Variants in RYR2 observed in about 807,000 individuals in gnomAD.
RYR2 encodes ryanodine receptor 2, also known as cardiac muscle ryanodine receptor-calcium release channel.
A neutral mutation model predicts 601.1 loss-of-function variants in RYR2; 227 were observed. The ratio of observed to expected loss-of-function variants is 0.38; its 90% CI spans 0.34 to 0.42. RYR2 has a LOEUF of 0.42. RYR2 is among the 10% of genes least tolerant of loss of function. The probability of loss-of-function intolerance (pLI) is 1.00; values close to 1 mark genes in which losing one functional copy is unlikely to be tolerated. For synonymous variants in RYR2, 2,223 were observed against 2,175.1 expected, an observed-to-expected ratio of 1.02 and a Z score of -0.61; for missense variants, 4,646 against 6,156.5, an observed-to-expected ratio of 0.75 and a Z score of 8.21.
chr1:237,557,660 A>C (rs1303465662), intron 27 of RYR2, among the ~76,000 whole-genome samples: 2 of 152,130 alleles, frequency 1.3e-5, no homozygotes, highest in South Asian at 2.1e-4. Flanking sequence ...GTTTGGTGAC[A>C]AAAAAGAAGT....
In RYR2 at chr1:237,167,631, T is replaced by C. The variant is rs186087103; in HGVS notation, c.49-102866T>C. Among the ~76,000 whole-genome samples, 198 of 152,246 alleles carry C rather than the reference T, an allele frequency of 1.3e-3. 1 individual carries two copies. The highest frequency in any genetic ancestry group is 4.2e-3 in the African/African-American group (173 of 41,548). On this transcript the variant is annotated intron_variant, in intron 1 of 104. Coordinates refer to ENST00000366574, the MANE Select transcript of RYR2 (RefSeq NM_001035.3). The stretch of plus-strand genomic sequence containing the variant: ...TAAAAAATTTTTTTGGAAGTTGATA[T>C]TTCAAAATATGTAGTATGTGAAATT...
At position 237,708,892 on chromosome 1, in the gene RYR2, T is replaced by G; in HGVS notation, c.9936T>G (p.Pro3312=). 1 of 1,611,444 alleles carries G rather than the reference T, an allele frequency of 6.2e-7. No homozygotes were observed. The highest frequency in any genetic ancestry group is 8.5e-7 in the Non-Finnish European group (1 of 1,178,040). Residue 3312 remains proline, a synonymous_variant, in exon 69 of 105, where the codon CCT becomes CCG. Transcript: ENST00000366574. The part of the protein sequence containing the change: ...FSQPIINKVK[P]QLLKTHFLPL... ...AGCCTATAATAAATAAAGTGAAACC[T>G]CAGCTCTTGAAAACTCATTTCTTGC...
intron 1 of RYR2, among the ~76,000 whole-genome samples, chr1:237,240,139 T>C (rs950189623): frequency 6.6e-6 from 1 of 152,212 alleles, no homozygotes; most frequent in African/African-American, 2.4e-5. Flanking sequence ...TTCCAGGTAT[T>C]TTCAGAAGTT....
At chr1:237,687,366 C>CTTTTTTTTTTTTTT (rs10679267) in intron 62 of RYR2, 89 bp from the exon 63 acceptor site, 82 of 259,078 alleles carry the variant, frequency 3.2e-4, no homozygotes, top group Middle Eastern at 7.1e-4. Context: ...TTTTCTTCTT[C>CTTTTTTTTTTTTTT]TTTTTTTTTT....
intron 2 of RYR2, among the ~76,000 whole-genome samples, chr1:237,273,559 G>GAT (rs397839434): frequency 6.6e-6 from 1 of 151,730 alleles, no homozygotes; most frequent in African/African-American, 2.4e-5. Flanking sequence ...TTAGGGGAGA[G>GAT]TGTCTTATGG....
chr1:237,823,549 T>C (rs1018100859), intron 101 of RYR2, among the ~76,000 whole-genome samples: 6 of 152,302 alleles, frequency 3.9e-5, no homozygotes, highest in South Asian at 4.1e-4. Context: ...GGGAAACTTA[T>C]AGCACTAAAT....
At chr1:237,251,381 C>T (rs886978578) in intron 1 of RYR2, among the ~76,000 whole-genome samples, 7 of 152,190 alleles carry the variant, frequency 4.6e-5, no homozygotes, top group African/African-American at 1.7e-4. Context: ...CAGTGAACAC[C>T]ACGTTGCCAA....
intron 2 of RYR2, among the ~76,000 whole-genome samples, chr1:237,295,725 T>C (rs112028279): frequency 0.012 from 1,878 of 152,300 alleles, 40 homozygotes; most frequent in African/African-American, 0.042. Context: ...TTAATATATG[T>C]GATAGCTTTC....
Position 237,374,900 on chromosome 1 carries a change from T to C in RYR2, c.463+105T>C, listed in dbSNP as rs1700905129. 6 of 839,312 alleles carry C rather than the reference T, an allele frequency of 7.1e-6. No homozygotes were observed. The East Asian group carries it at 8.1e-5, about 11-fold the overall frequency. 52.0% of individuals were successfully genotyped at this position (839,312 alleles called of 1,614,324 possible). Reference sequence around the variant, plus strand: ...TACATGGGATGAATGTTCTTATGGATGGAGTCAGGAAAGAATGTTCTAATG... The same window carrying C: ...TACATGGGATGAATGTTCTTATGGACGGAGTCAGGAAAGAATGTTCTAATG... On this transcript the variant is annotated intron_variant, in intron 7 of 104. Coordinates refer to ENST00000366574, the MANE Select transcript of RYR2 (RefSeq NM_001035.3).
At chr1:237,754,882 C>T (rs972653174) in intron 80 of RYR2, among the ~76,000 whole-genome samples, 7 of 152,174 alleles carry the variant, frequency 4.6e-5, no homozygotes, top group Non-Finnish European at 8.8e-5. Context: ...GAGGTTTAAA[C>T]ATGAAGGCAA....
intron 33 of RYR2, among the ~76,000 whole-genome samples, chr1:237,594,084 T>TG: frequency 6.6e-6 from 1 of 152,312 alleles, no homozygotes; most frequent in Middle Eastern, 3.4e-3. Context: ...TGAGGAGAAG[T>TG]GGGTTCTTTC....
In RYR2 at chr1:237,625,678, G is replaced by A; in HGVS notation, c.6040G>A (p.Asp2014Asn). The A allele has an allele frequency of 1.2e-6, 2 of 1,613,636 alleles. No homozygotes were observed. Among genetic ancestry groups the A allele is most frequent in the South Asian group, 2.2e-5 (2 of 91,060 alleles). Reference sequence around the variant, plus strand: ...TATACTAGGAATTGAGCTGGATGAAGATGGGTCTCTGGATGGAAACAGTGA... The same window carrying A: ...TATACTAGGAATTGAGCTGGATGAAAATGGGTCTCTGGATGGAAACAGTGA... ...MTHCGIELDE[D>N]GSLDGNSDLT... is the part of the protein sequence containing the mutation. Residue 2014 changes from aspartate to asparagine, a missense_variant, in exon 40 of 105, where the codon GAT becomes AAT. Physicochemically the swap from Asp to Asn is conservative, Grantham distance 23. Transcript: ENST00000366574.
rs777433499 is a variant in RYR2 at position 237,534,748 on chromosome 1, C to T, written c.2906+4238C>T. ...TCTTGATCTTGCTAAATGAACCTAT[C>T]CTTTTTTCATGCCTTTATACTCTTA... is the stretch of plus-strand genomic sequence containing the variant. On this transcript the variant is annotated intron_variant, in intron 25 of 104. Coordinates refer to ENST00000366574, the MANE Select transcript of RYR2 (RefSeq NM_001035.3). Among the ~76,000 whole-genome samples the T allele has an allele frequency of 3.3e-5, 5 of 151,946 alleles. No homozygotes were observed. In the South Asian group the frequency reaches 1.0e-3, roughly 31 times the overall value.
chr1:237,351,478 A>G (rs1698835116), intron 3 of RYR2, among the ~76,000 whole-genome samples: 1 of 152,046 alleles, frequency 6.6e-6, no homozygotes, highest in Admixed American at 6.6e-5. Context: ...AGAATATAAA[A>G]TTAACAATAT....
chr1:237,367,259 C>T (rs1056310240), intron 5 of RYR2, among the ~76,000 whole-genome samples: 1 of 152,020 alleles, frequency 6.6e-6, no homozygotes, highest in Non-Finnish European at 1.5e-5. Flanking sequence ...CCATGCCCAG[C>T]TAATTTTTGT....
chr1:237,705,692 T>C (rs1573601400), intron 67 of RYR2, among the ~76,000 whole-genome samples: 1 of 152,176 alleles, frequency 6.6e-6, no homozygotes, highest in Admixed American at 6.5e-5. Context: ...AGGTTTCTCT[T>C]CTGGGTGACT....
chr1:237,318,734 A>C (rs1261763348), intron 2 of RYR2, among the ~76,000 whole-genome samples: 1 of 151,886 alleles, frequency 6.6e-6, no homozygotes, highest in Non-Finnish European at 1.5e-5. Context: ...AAATACTTCT[A>C]TTTTTGTCTG....
chr1:237,741,642 C>T (rs1236835377), intron 79 of RYR2, among the ~76,000 whole-genome samples: 2 of 152,112 alleles, frequency 1.3e-5, no homozygotes, highest in Non-Finnish European at 2.9e-5. Context: ...CATTCTGTCA[C>T]CCAGGCTGGA....
chr1:237,331,941 AGTT>A (rs1480421077), intron 3 of RYR2, among the ~76,000 whole-genome samples: 1 of 152,158 alleles, frequency 6.6e-6, no homozygotes, highest in Middle Eastern at 3.2e-3. Flanking sequence ...AATTTATTAA[AGTT>A]TAGAATTAAG....
Sources: gnomAD v4.1 joint callset for allele counts (sites outside exome capture counted in the v4.1 genomes callset) on GRCh38, gnomAD v4.1.1 for gene constraint, MANE v1.5 for transcripts, NCBI Gene and HGNC (gene_info 2026-07-23, HGNC 2026-07-21) for gene names.